Variants in MYO1H observed in about 807,000 individuals in gnomAD.
MYO1H encodes unconventional myosin-Ih.
Under a neutral mutation model 149.3 loss-of-function variants are expected in MYO1H, and 118 were observed. The observed-to-expected ratio is 0.79, with a 90% CI of 0.68 to 0.92. The LOEUF (loss-of-function observed/expected upper bound fraction) is 0.92, where lower values mean the gene tolerates loss of function less well. Ranked by LOEUF, MYO1H falls within the 40% of genes least tolerant of loss-of-function variation. The pLI, the probability that MYO1H is intolerant of heterozygous loss-of-function variation, is 0.00. For missense variants in MYO1H, 1,212 were observed against 1,280.7 expected, an observed-to-expected ratio of 0.95 and a Z score of 0.82; for synonymous variants, 447 against 465.2, an observed-to-expected ratio of 0.96 and a Z score of 0.50.
At chr12:109,439,651 G>T (rs1872027273) in exon 24 of MYO1H, 1 of 1,612,874 alleles carries the variant, frequency 6.2e-7, no homozygotes, top group African/African-American at 1.3e-5. Flanking sequence ...GGATTCATCA[G>T]TCGCAACAAA....
the MYO1H span, among the ~76,000 whole-genome samples, chr12:109,325,421 T>C: frequency 5.6e-4 from 86 of 152,220 alleles, no homozygotes; most frequent in Non-Finnish European, 9.0e-4. Context: ...CCTAAAAATA[T>C]CTTATACAAA....
At chr12:109,366,246 G>A (rs187720939) in intron 1 of MYO1H, among the ~76,000 whole-genome samples, 45 of 152,126 alleles carry the variant, frequency 3.0e-4, no homozygotes, top group African/African-American at 1.0e-3. Flanking sequence ...CCCAAACCAG[G>A]GTTCCATCAA....
At chr12:109,343,419 G>A (rs968677583), upstream of MYO1H, among the ~76,000 whole-genome samples, 1 of 151,844 alleles carries the variant, frequency 6.6e-6, no homozygotes, top group Non-Finnish European at 1.5e-5. Flanking sequence ...TTAATACTTG[G>A]GTCAACAAAA....
intron 15 of MYO1H, among the ~76,000 whole-genome samples, chr12:109,419,178 A>G (rs886977059): frequency 7.2e-6 from 1 of 139,454 alleles, no homozygotes; most frequent in Admixed American, 7.3e-5. Context: ...GCATATACCT[A>G]TGTGAGGATA....
rs111472392 is a variant in MYO1H at position 109,430,124 on chromosome 12, C to T, written c.1949+2538C>T. 8.9e-4 allele frequency among the ~76,000 whole-genome samples: 136 copies of T among 152,210 alleles called. 1 individual carries two copies. The highest frequency in any genetic ancestry group is 3.0e-3 in the African/African-American group (125 of 41,550). ...CATATGAATTTTGTGGGGACACAGA[C>T]GATCAGTCCATAGCATTCAGGGAAC... is the stretch of plus-strand genomic sequence containing the variant. On this transcript the variant is annotated intron_variant, in intron 19 of 31. Coordinates refer to ENST00000310903, the Ensembl canonical transcript of MYO1H.
rs372946043 is a variant in MYO1H at position 109,377,075 on chromosome 12, G to A, written c.13-11608G>A. On this transcript the variant is annotated intron_variant, in intron 1 of 31. Transcript: ENST00000310903. ...TGTAAACTCACAGTATTGTGCAGCC[G>A]CCACTTCTTTATAGTTTCAAAACAT... Among the ~76,000 whole-genome samples, 89 of 152,216 alleles carry A rather than the reference G, an allele frequency of 5.8e-4. 2 individuals carry two copies. The South Asian group carries it at 0.012, about 21-fold the overall frequency.
chr12:109,370,226 G>A (rs1206790964), intron 1 of MYO1H, among the ~76,000 whole-genome samples: 15 of 152,196 alleles, frequency 9.9e-5, no homozygotes, highest in Non-Finnish European at 2.9e-5. Flanking sequence ...CCCCTCCCTG[G>A]CTGAAGCCAG....
chr12:109,447,069 T>C lies in MYO1H; in HGVS notation c.3094-90T>C, dbSNP rs1872515048. ...TCTCACAGGCCCTCCACACCCACCT[T>C]GCTAATGGTGACAGTTGAGGTGATA... On this transcript the variant is annotated intron_variant, in intron 31 of 31. Coordinates refer to ENST00000310903, the Ensembl canonical transcript of MYO1H. 18 of 1,342,224 alleles carry C rather than the reference T, an allele frequency of 1.3e-5. 1 individual carries two copies. The highest frequency in any genetic ancestry group is 3.9e-4 in the Middle Eastern group (2 of 5,088). 83.1% of individuals were successfully genotyped at this position (1,342,224 alleles called of 1,614,324 possible).
At chr12:109,351,340 TCTTAC>T (rs1220834027) in intron 1 of MYO1H, among the ~76,000 whole-genome samples, 2 of 152,216 alleles carry the variant, frequency 1.3e-5, no homozygotes, top group African/African-American at 4.8e-5. Flanking sequence ...GCCTCTACTA[TCTTAC>T]CTTATCTTTT....
intron 5 of MYO1H, among the ~76,000 whole-genome samples, chr12:109,399,591 CAAAAAAAAAAAA>C (rs34417905): frequency 2.8e-5 from 2 of 70,512 alleles, no homozygotes; most frequent in South Asian, 5.5e-4. Flanking sequence ...GACTCTGTCT[CAAAAAAAAAAAA>C]AAAAAAAAAA....
intron 3 of MYO1H, among the ~76,000 whole-genome samples, chr12:109,395,356 A>C (rs1369085360): frequency 6.6e-6 from 1 of 152,208 alleles, no homozygotes; most frequent in Non-Finnish European, 1.5e-5. Context: ...AGTTAATAGA[A>C]CGTCTCTTGG....
exon 32 of MYO1H, chr12:109,447,839 C>T (rs1002659251): frequency 4.6e-5 from 7 of 152,602 alleles, no homozygotes; most frequent in African/African-American, 1.4e-4. Flanking sequence ...ATCTGCAACC[C>T]TGAACGTGCA....
rs143399697 is a variant in MYO1H, at chr12:109,444,766, C to T, written c.2993+237C>T. Among the ~76,000 whole-genome samples, 28 of 151,888 alleles carry T rather than the reference C, an allele frequency of 1.8e-4. No individual in the cohort carries two copies. In the East Asian group the frequency reaches 4.5e-3, roughly 24 times the overall value. On this transcript the variant is annotated intron_variant, in intron 30 of 31. Coordinates refer to ENST00000310903, the Ensembl canonical transcript of MYO1H. ...CTTGTAATCCCAGATACTTGGGAGG[C>T]CTGAGGCACGAGAATCCCTTGAACC...
chr12:109,427,909 A>AATATATATATATAT (rs1555254297), intron 19 of MYO1H, among the ~76,000 whole-genome samples: 21 of 16,412 alleles, frequency 1.3e-3, no homozygotes, highest in South Asian at 6.7e-3. Context: ...AAAAAAAAAA[A>AATATATATATATAT]ATATATATAT....
At position 109,356,178 on chromosome 12, in the gene MYO1H, A is replaced by G. The variant is rs1413908515; in HGVS notation, c.12+8206A>G. 2.0e-5 allele frequency among the ~76,000 whole-genome samples: 3 copies of G among 152,268 alleles called. No individual in the cohort carries two copies. In the East Asian group the frequency reaches 5.8e-4, roughly 29 times the overall value. On this transcript the variant is annotated intron_variant, in intron 1 of 31. Coordinates refer to ENST00000310903, the Ensembl canonical transcript of MYO1H. The stretch of plus-strand genomic sequence containing the variant: ...ACTAATTTTCTTACTAACCCAAGGG[A>G]CTCAGACTGAGATGAAAAAACAAAA...
chr12:109,446,833 G>C (rs922240445), intron 31 of MYO1H, among the ~76,000 whole-genome samples: 2 of 152,186 alleles, frequency 1.3e-5, no homozygotes, highest in African/African-American at 4.8e-5. Context: ...TTGGGGACAA[G>C]TTAAAATAAG....
In MYO1H at chr12:109,410,708, C is replaced by A. The variant is rs773672275; in HGVS notation, c.1350C>A (p.Phe450Leu). ...TTTAGTGGGAGCCAATTAAATATTT[C>A]AACAACAAGATCATCTGTGATTTGG... The change falls in exon 13 of 32, where the codon TTC (phenylalanine) becomes TTA (leucine). Residue 450 changes from phenylalanine (F) to leucine (L), a missense_variant. Transcript: ENST00000310903. 5.3e-5 allele frequency: 85 copies of A among 1,599,644 alleles called. No individual in the cohort carries two copies. The highest frequency in any genetic ancestry group is 6.9e-5 in the Non-Finnish European group (81 of 1,170,200).
chr12:109,373,005 T>G (rs1869020026), intron 1 of MYO1H, among the ~76,000 whole-genome samples: 1 of 152,148 alleles, frequency 6.6e-6, no homozygotes. Context: ...TTTTATCTCT[T>G]TAGTCAATAT....
intron 5 of MYO1H, 88 bp from the exon 6 acceptor site, chr12:109,401,005 C>A: frequency 8.7e-7 from 1 of 1,154,268 alleles, no homozygotes; most frequent in Non-Finnish European, 1.2e-6. Context: ...AGACTTCATT[C>A]AAACTTAGAA....
Sources: allele counts gnomAD v4.1 joint callset (sites outside exome capture counted in the v4.1 genomes callset), GRCh38; gene constraint gnomAD v4.1.1; transcripts MANE v1.5; gene names NCBI Gene and HGNC (gene_info 2026-07-23, HGNC 2026-07-21).